Variants in NEDD9 observed in about 807,000 individuals in gnomAD.
The protein encoded by NEDD9 is enhancer of filamentation 1.
NEDD9 carries 26 observed loss-of-function variants against 76.6 expected under a neutral mutation model. The ratio of observed to expected loss-of-function variants is 0.34; its 90% CI spans 0.25 to 0.47. The LOEUF is 0.47. NEDD9 is among the 20% of genes least tolerant of loss of function. The probability of loss-of-function intolerance (pLI) is 1.00; values close to 1 mark genes in which losing one functional copy is unlikely to be tolerated. For synonymous variants in NEDD9, 392 were observed against 414.2 expected (o/e 0.95, Z 0.65); for missense variants, 937 against 1,058.5 (o/e 0.89, Z 1.59).
chr6:11,216,814 T>C (rs1193915684), intron 1 of NEDD9, among the ~76,000 whole-genome samples: 1 of 152,232 alleles, frequency 6.6e-6, no homozygotes, highest in Non-Finnish European at 1.5e-5. Flanking sequence ...CCAGGCTTGG[T>C]CCTATTCCAA....
chr6:11,236,607 T>C (rs1204256778), upstream of NEDD9, among the ~76,000 whole-genome samples: 1 of 152,178 alleles, frequency 6.6e-6, no homozygotes, highest in Non-Finnish European at 1.5e-5. The surrounding 1 kb of genome is among the most constrained non-coding windows in gnomAD (Gnocchi z 5.5). Context: ...TCAGAGAGAT[T>C]GAGTGCCTCA....
Position 11,288,100 on chromosome 6 carries a change from G to A in NEDD9, c.12+17892C>T, listed in dbSNP as rs78321222. Reference sequence around the variant, plus strand: ...CAATTGTTTGGTCAGATCACTAGAGGTGGTCATGTTGTTAGAACATCCTGA... The same window carrying A: ...CAATTGTTTGGTCAGATCACTAGAGATGGTCATGTTGTTAGAACATCCTGA... On this transcript the variant is annotated intron_variant, in intron 3 of 3. Transcript: ENST00000397378. Among the ~76,000 whole-genome samples the A allele has an allele frequency of 4.4e-3, 674 of 152,316 alleles. 8 individuals are homozygous for A. In the East Asian group the frequency reaches 0.063, roughly 14 times the overall value.
At chr6:11,283,842 A>C (rs1216861378) in intron 3 of NEDD9, among the ~76,000 whole-genome samples, 9 of 152,098 alleles carry the variant, frequency 5.9e-5, no homozygotes, top group Non-Finnish European at 1.2e-4. Context: ...GGGAGGGTTC[A>C]CGTGTGTGTG....
chr6:11,304,973 A>G, intron 3 of NEDD9: 1 of 752,304 alleles, frequency 1.3e-6, no homozygotes, highest in African/African-American at 1.9e-5. Flanking sequence ...ACCCACAGTG[A>G]TATGACAATC....
At chr6:11,207,015 A>C (rs1288570476) in intron 2 of NEDD9, among the ~76,000 whole-genome samples, 2 of 152,236 alleles carry the variant, frequency 1.3e-5, no homozygotes, top group African/African-American at 4.8e-5. Context: ...AGAAATGTAC[A>C]ATTCTGGAAC....
chr6:11,273,459 A>C (rs1760353852), intron 3 of NEDD9, among the ~76,000 whole-genome samples: 1 of 152,276 alleles, frequency 6.6e-6, no homozygotes, highest in Non-Finnish European at 1.5e-5. Flanking sequence ...GCTGAAAGCA[A>C]GGGCAACCTG....
At chr6:11,193,519 T>C in intron 3 of NEDD9, 72 bp downstream of exon 3, 1 of 1,215,658 alleles carries the variant, frequency 8.2e-7, no homozygotes, top group Non-Finnish European at 1.2e-6. Context: ...TGAACTCCCT[T>C]TTCTCTACAG....
At chr6:11,279,078 T>C (rs1232720019) in intron 3 of NEDD9, among the ~76,000 whole-genome samples, 2 of 152,186 alleles carry the variant, frequency 1.3e-5, no homozygotes, top group African/African-American at 4.8e-5. Flanking sequence ...TCAATATACT[T>C]GATTGAAGTA....
chr6:11,252,333 T>G lies in NEDD9; in HGVS notation c.13-38606A>C, dbSNP rs1283127681. Among the ~76,000 whole-genome samples the G allele has an allele frequency of 6.6e-6, 1 of 152,132 alleles. No homozygotes were observed. Among genetic ancestry groups the G allele is most frequent in the South Asian group, 2.1e-4 (1 of 4,820 alleles). On this transcript the variant is annotated intron_variant, in intron 3 of 3. Transcript: ENST00000397378. This position sits in a 1 kb window ranked among gnomAD's most constrained non-coding sequence, Gnocchi z 4.3. ...AGAGTTATTGGAGGGTCTAAGAGGATGCCAGTCAAGCAAAAGAATAGTAGT... is the reference window on the plus strand; with the variant it reads ...AGAGTTATTGGAGGGTCTAAGAGGAGGCCAGTCAAGCAAAAGAATAGTAGT...
At chr6:11,372,876 T>C (rs1006517140) in intron 1 of NEDD9, among the ~76,000 whole-genome samples, 1 of 152,222 alleles carries the variant, frequency 6.6e-6, no homozygotes, top group Non-Finnish European at 1.5e-5. Context: ...ACATATATCA[T>C]GTAAGAGCAA....
intron 1 of NEDD9, among the ~76,000 whole-genome samples, chr6:11,377,335 A>G (rs10947217): frequency 0.2 from 30,817 of 152,152 alleles, 3,251 homozygotes; most frequent in African/African-American, 0.26. Context: ...CTCAACTTAA[A>G]CCCATGAGAG....
intron 3 of NEDD9, among the ~76,000 whole-genome samples, chr6:11,279,940 G>A (rs1760501323): frequency 6.6e-6 from 1 of 152,150 alleles, no homozygotes; most frequent in Admixed American, 6.5e-5. Flanking sequence ...AAACATCGTG[G>A]GTGGCTCCCG....
intron 2 of NEDD9, chr6:11,199,433 G>C (rs1758372182): frequency 6.6e-6 from 1 of 152,136 alleles, no homozygotes; most frequent in Admixed American, 6.5e-5. Context: ...TAGGCTATAT[G>C]AGTATTAAAT....
At chr6:11,298,430 T>C (rs1760956906) in intron 3 of NEDD9, among the ~76,000 whole-genome samples, 1 of 152,062 alleles carries the variant, frequency 6.6e-6, no homozygotes, top group Non-Finnish European at 1.5e-5. Context: ...AATTAAAAAA[T>C]TGAGGTGGTG....
At chr6:11,337,543 A>G (rs543601593) in intron 1 of NEDD9, among the ~76,000 whole-genome samples, 4 of 152,266 alleles carry the variant, frequency 2.6e-5, no homozygotes, top group African/African-American at 9.6e-5. Flanking sequence ...CAGCTTCATC[A>G]TAGTCTTGCG....
At chr6:11,197,770 T>C (rs1581949329) in intron 2 of NEDD9, among the ~76,000 whole-genome samples, 3 of 152,172 alleles carry the variant, frequency 2.0e-5, no homozygotes, top group African/African-American at 7.2e-5. Context: ...CTGTTTTGAG[T>C]CTCAGATCCT....
chr6:11,355,230 C>T (rs980227568), intron 1 of NEDD9, among the ~76,000 whole-genome samples: 2 of 152,010 alleles, frequency 1.3e-5, no homozygotes, highest in South Asian at 2.1e-4. Context: ...TATTTCAAAA[C>T]ACATAAAATA....
At chr6:11,371,071 G>T (rs1274514541) in intron 1 of NEDD9, among the ~76,000 whole-genome samples, 1 of 152,090 alleles carries the variant, frequency 6.6e-6, no homozygotes, top group Non-Finnish European at 1.5e-5. Flanking sequence ...TTGGCCTTCT[G>T]GGGGAACATC....
chr6:11,236,911 C>A (rs1030493132), upstream of NEDD9, among the ~76,000 whole-genome samples: 68 of 152,246 alleles, frequency 4.5e-4, no homozygotes, highest in African/African-American at 1.5e-3. This position sits in a 1 kb window ranked among gnomAD's most constrained non-coding sequence, Gnocchi z 5.5. Flanking sequence ...CTCCCTCTAC[C>A]GCCGACCCCC....
Sources: gnomAD v4.1 joint callset for allele counts (sites outside exome capture counted in the v4.1 genomes callset) on GRCh38, gnomAD v4.1.1 for gene constraint, Gnocchi (gnomAD v3.1) non-coding constraint, MANE v1.5 for transcripts, NCBI Gene and HGNC (gene_info 2026-07-23, HGNC 2026-07-21) for gene names.